FTCDNL1: variants seen among roughly 807,000 people sequenced by gnomAD.
The protein encoded by FTCDNL1 is formiminotransferase N-terminal subdomain-containing protein.
In FTCDNL1, 11 loss-of-function variants were observed where a neutral mutation model predicts 5.9. The observed-to-expected ratio is 1.87, with a 90% CI of 1.18 to 3.10. The LOEUF (loss-of-function observed/expected upper bound fraction) is 3.10, where lower values mean the gene tolerates loss of function less well. Ranked by LOEUF, FTCDNL1 falls within the 30% of genes most tolerant of loss-of-function variation. The pLI, the probability that FTCDNL1 is intolerant of heterozygous loss-of-function variation, is 0.00. For missense variants in FTCDNL1, 115 were observed against 65.5 expected (o/e 1.76, Z -2.61); for synonymous variants, 58 against 24.8 (o/e 2.34, Z -3.99).
Position 199,842,013 on chromosome 2 carries a change from C to G in FTCDNL1, c.211+4062G>C, listed in dbSNP as rs561850681. On this transcript the variant is annotated intron_variant, in intron 3 of 4. Transcript: ENST00000420128. Reference sequence around the variant, plus strand: ...GTGGCTCATGCCTGTAATCCCAGCACTTTGGGAGGCCGAGGCCGGCAGATT... The same window carrying G: ...GTGGCTCATGCCTGTAATCCCAGCAGTTTGGGAGGCCGAGGCCGGCAGATT... Among the ~76,000 whole-genome samples, 7 of 152,214 alleles carry G rather than the reference C, an allele frequency of 4.6e-5. No individual in the cohort carries two copies. The South Asian group carries it at 1.0e-3, about 23-fold the overall frequency.
chr2:199,814,269 G>A (rs569308432), intron 4 of FTCDNL1, among the ~76,000 whole-genome samples: 17 of 152,290 alleles, frequency 1.1e-4, no homozygotes, highest in Admixed American at 2.0e-4. Flanking sequence ...CTCCCATGGC[G>A]GGAAGAATGC....
chr2:199,820,740 AAT>A (rs1001537992), intron 3 of FTCDNL1, among the ~76,000 whole-genome samples: 1 of 152,168 alleles, frequency 6.6e-6, no homozygotes, highest in African/African-American at 2.4e-5. Context: ...CTCAAGGCAA[AAT>A]ATAGAATTGC....
chr2:199,794,584 T>C (rs1209457212), intron 3 of FTCDNL1, among the ~76,000 whole-genome samples: 1 of 152,160 alleles, frequency 6.6e-6, no homozygotes, highest in Non-Finnish European at 1.5e-5. Flanking sequence ...ATTTTAATAA[T>C]AATGCATTCA....
At chr2:199,714,454 C>T in the FTCDNL1 span, among the ~76,000 whole-genome samples, 30 of 152,188 alleles carry the variant, frequency 2.0e-4, no homozygotes, top group African/African-American at 7.2e-4. Flanking sequence ...CAAATTACAA[C>T]AGGGTAAAAG....
At chr2:199,838,353 A>G (rs1174570794) in intron 3 of FTCDNL1, among the ~76,000 whole-genome samples, 1 of 152,244 alleles carries the variant, frequency 6.6e-6, no homozygotes, top group African/African-American at 2.4e-5. Context: ...TAAAATCGCC[A>G]AGAGAAGTAG....
the FTCDNL1 span, among the ~76,000 whole-genome samples, chr2:199,698,732 C>T: frequency 5.9e-5 from 9 of 152,036 alleles, no homozygotes; most frequent in African/African-American, 2.2e-4. Context: ...ACAAGAACAA[C>T]CAGTCCCAAA....
At chr2:199,679,976 A>C in the FTCDNL1 span, among the ~76,000 whole-genome samples, 1 of 152,140 alleles carries the variant, frequency 6.6e-6, no homozygotes, top group Non-Finnish European at 1.5e-5. Context: ...AATATATGTT[A>C]GTGTGGTTTT....
chr2:199,813,912 C>CA lies in FTCDNL1; in HGVS notation c.398-1189dup, dbSNP rs397987315. ...CTGGTGACAGAGCGAGACTCTGTCTCAAAAAAAAAAAAAAAAAAAAAAAAA... is the reference window on the plus strand; with the variant it reads ...CTGGTGACAGAGCGAGACTCTGTCTCAAAAAAAAAAAAAAAAAAAAAAAAAA... On this transcript the variant is annotated intron_variant, in intron 4 of 4. Transcript: ENST00000420128. 7.6e-3 allele frequency among the ~76,000 whole-genome samples: 810 copies of CA among 106,222 alleles called. 36 individuals are homozygous for CA. Among genetic ancestry groups the CA allele is most frequent in the African/African-American group, 0.019 (512 of 26,732 alleles). The allele number at this position is 106,222 out of a possible 152,430, so 69.7% of individuals were successfully genotyped here.
chr2:199,754,479 C>T, the FTCDNL1 span, among the ~76,000 whole-genome samples: 2 of 152,070 alleles, frequency 1.3e-5, no homozygotes, highest in South Asian at 4.1e-4. Flanking sequence ...ACCAGGAGGC[C>T]ACCATTTAAC....
At chr2:199,758,557 C>A (rs1031134349), downstream of FTCDNL1, among the ~76,000 whole-genome samples, 3 of 152,072 alleles carry the variant, frequency 2.0e-5, no homozygotes, top group African/African-American at 7.2e-5. Context: ...TTCTTAGTAT[C>A]CATAAATTTA....
At chr2:199,694,833 C>T in the FTCDNL1 span, among the ~76,000 whole-genome samples, 1 of 151,432 alleles carries the variant, frequency 6.6e-6, no homozygotes, top group African/African-American at 2.4e-5. Flanking sequence ...GACCCTGTCT[C>T]AAAAAAAATT....
the FTCDNL1 span, among the ~76,000 whole-genome samples, chr2:199,693,358 T>C: frequency 5.9e-5 from 9 of 152,178 alleles, no homozygotes; most frequent in African/African-American, 2.2e-4. Flanking sequence ...AGCAAAATCA[T>C]TAGGTTTGTG....
intron 3 of FTCDNL1, among the ~76,000 whole-genome samples, chr2:199,835,361 GA>G (rs767598914): frequency 2.6e-5 from 4 of 152,092 alleles, no homozygotes; most frequent in Non-Finnish European, 4.4e-5. Context: ...TAAAATTGGA[GA>G]ATGAATTATT....
the FTCDNL1 span, among the ~76,000 whole-genome samples, chr2:199,680,798 G>A: frequency 6.6e-6 from 1 of 152,090 alleles, no homozygotes; most frequent in Non-Finnish European, 1.5e-5. Context: ...AATGTGTTTG[G>A]GACAAATATA....
At chr2:199,759,355 CT>C (rs1351935037), downstream of FTCDNL1, among the ~76,000 whole-genome samples, 2 of 149,754 alleles carry the variant, frequency 1.3e-5, no homozygotes, top group African/African-American at 4.9e-5. Context: ...ATTTGTCTTC[CT>C]TTTTTTTTAA....
chr2:199,839,733 G>A (rs1277763067), intron 3 of FTCDNL1, among the ~76,000 whole-genome samples: 1 of 152,150 alleles, frequency 6.6e-6, no homozygotes, highest in Admixed American at 6.5e-5. Context: ...GAGTCATAAT[G>A]GTTTCAGAAG....
chr2:199,801,472 C>T (rs959125648), intron 3 of FTCDNL1, among the ~76,000 whole-genome samples: 1 of 151,944 alleles, frequency 6.6e-6, no homozygotes, highest in Non-Finnish European at 1.5e-5. Flanking sequence ...CATGGTGAGA[C>T]TCCGTCTCTA....
At chr2:199,707,166 G>C in the FTCDNL1 span, among the ~76,000 whole-genome samples, 1 of 152,178 alleles carries the variant, frequency 6.6e-6, no homozygotes, top group Non-Finnish European at 1.5e-5. Context: ...CCTAGATTTA[G>C]AGACAAAACA....
the FTCDNL1 span, among the ~76,000 whole-genome samples, chr2:199,665,627 T>A: frequency 8.6e-6 from 1 of 116,108 alleles, no homozygotes; most frequent in African/African-American, 3.0e-5. Flanking sequence ...AGAGCAAAAC[T>A]TCGTCTTAAA....
Sources: allele counts gnomAD v4.1 joint callset (sites outside exome capture counted in the v4.1 genomes callset), GRCh38; gene constraint gnomAD v4.1.1; transcripts MANE v1.5; gene names NCBI Gene and HGNC (gene_info 2026-07-23, HGNC 2026-07-21).